Variants in SH3D19 observed in about 807,000 individuals in gnomAD.
SH3D19 encodes SH3 domain-containing protein 19.
SH3D19 carries 58 observed loss-of-function variants against 112.1 expected under a neutral mutation model. The ratio of observed to expected loss-of-function variants is 0.52; its 90% confidence interval spans 0.42 to 0.64. SH3D19 has a LOEUF of 0.64. Ranked by LOEUF, SH3D19 falls within the 30% of genes least tolerant of loss-of-function variation. The pLI, the probability that SH3D19 is intolerant of heterozygous loss-of-function variation, is 0.00. For missense variants in SH3D19, 1,090 were observed against 1,263.4 expected, an observed-to-expected ratio of 0.86 and a Z score of 2.08; for synonymous variants, 391 against 448.5, an observed-to-expected ratio of 0.87 and a Z score of 1.62.
At chr4:151,169,747 A>G (rs1437645578) in intron 7 of SH3D19, among the ~76,000 whole-genome samples, 4 of 152,232 alleles carry the variant, frequency 2.6e-5, no homozygotes, top group Non-Finnish European at 4.4e-5. Context: ...ACCTTTGACT[A>G]GTAGTCCCAC....
chr4:151,264,438 A>AC (rs1554064266), intron 1 of SH3D19, among the ~76,000 whole-genome samples: 9 of 150,932 alleles, frequency 6.0e-5, no homozygotes, highest in Non-Finnish European at 2.9e-5. Context: ...AAAAAAAAAA[A>AC]AAAAAACCAA....
At chr4:151,298,692 C>T (rs901537680) in intron 1 of SH3D19, among the ~76,000 whole-genome samples, 4 of 152,154 alleles carry the variant, frequency 2.6e-5, no homozygotes, top group Non-Finnish European at 5.9e-5. Context: ...ACCTTTAACA[C>T]TGCATCCAAG....
At chr4:151,212,798 C>T (rs1766184540) in intron 2 of SH3D19, among the ~76,000 whole-genome samples, 1 of 152,132 alleles carries the variant, frequency 6.6e-6, no homozygotes, top group Admixed American at 6.5e-5. Flanking sequence ...CCATAGTTGC[C>T]ATAGATAGTA....
At chr4:151,182,423 T>TA (rs1442738880) in intron 3 of SH3D19, among the ~76,000 whole-genome samples, 2 of 152,372 alleles carry the variant, frequency 1.3e-5, no homozygotes, top group South Asian at 4.1e-4. Context: ...CTACATTGTT[T>TA]AAAATCAGCA....
chr4:151,293,412 G>A (rs1481307241), intron 1 of SH3D19, among the ~76,000 whole-genome samples: 1 of 151,466 alleles, frequency 6.6e-6, no homozygotes, highest in Non-Finnish European at 1.5e-5. Flanking sequence ...GACGGAGCTT[G>A]CTGTGAGCCG....
intron 1 of SH3D19, among the ~76,000 whole-genome samples, chr4:151,307,081 G>C (rs1461283686): frequency 3.3e-5 from 5 of 150,162 alleles, no homozygotes; most frequent in African/African-American, 1.2e-4. Context: ...TGCAGTGGCG[G>C]GATCTCGGCT....
At chr4:151,264,516 G>A (rs1002850657) in intron 1 of SH3D19, among the ~76,000 whole-genome samples, 2 of 151,368 alleles carry the variant, frequency 1.3e-5, no homozygotes, top group African/African-American at 4.9e-5. Context: ...AAGTCAACAA[G>A]GTGTGAATAT....
intron 2 of SH3D19, among the ~76,000 whole-genome samples, chr4:151,215,325 G>A (rs1384210548): frequency 6.6e-6 from 1 of 152,216 alleles, no homozygotes; most frequent in African/African-American, 2.4e-5. Flanking sequence ...GCAATAGATA[G>A]TGATACACTT....
At chr4:151,297,274 C>T (rs190200795) in intron 1 of SH3D19, among the ~76,000 whole-genome samples, 186 of 152,352 alleles carry the variant, frequency 1.2e-3, no homozygotes, top group East Asian at 7.7e-3. Flanking sequence ...AAATTCTCTC[C>T]ACTGTCTACT....
chr4:151,292,226 G>A (rs1209002363), intron 1 of SH3D19, among the ~76,000 whole-genome samples: 1 of 151,986 alleles, frequency 6.6e-6, no homozygotes, highest in African/African-American at 2.4e-5. Context: ...TTGAGACCAG[G>A]AGTTCGAGGC....
At chr4:151,216,777 A>G (rs531005827) in intron 2 of SH3D19, among the ~76,000 whole-genome samples, 145 of 152,262 alleles carry the variant, frequency 9.5e-4, no homozygotes, top group Middle Eastern at 3.4e-3. Flanking sequence ...AAACTTTTCA[A>G]TTACCCAACT....
chr4:151,161,257 C>A (rs905647811), intron 8 of SH3D19, among the ~76,000 whole-genome samples: 1 of 152,254 alleles, frequency 6.6e-6, no homozygotes, highest in East Asian at 1.9e-4. Context: ...AAGAAACAGG[C>A]CCCGGGGAAA....
chr4:151,228,119 T>C, intron 1 of SH3D19: 1 of 814,098 alleles, frequency 1.2e-6, no homozygotes, highest in Non-Finnish European at 1.5e-6. Flanking sequence ...TGTCTTCTCA[T>C]AGCACTTTTC....
At chr4:151,322,430 CTA>C (rs1730633033) in intron 1 of SH3D19, among the ~76,000 whole-genome samples, 1 of 86,666 alleles carries the variant, frequency 1.2e-5, no homozygotes, top group Non-Finnish European at 2.1e-5. Flanking sequence ...AAGACTCTGC[CTA>C]AAAAAAAAAA....
At chr4:151,149,157 T>A (rs1263810239) in intron 10 of SH3D19, among the ~76,000 whole-genome samples, 2 of 152,152 alleles carry the variant, frequency 1.3e-5, no homozygotes, top group Non-Finnish European at 2.9e-5. Flanking sequence ...ACAAAGCCAG[T>A]CTCCTTCGGA....
In SH3D19 at chr4:151,226,324, T is replaced by C. The variant is rs141658461; in HGVS notation, c.113-238A>G. The C allele has an allele frequency of 3.8e-4, 441 of 1,173,222 alleles. 3 individuals are homozygous for C. The African/African-American group carries it at 6.4e-3, about 17-fold the overall frequency. The allele number at this position is 1,173,222 out of a possible 1,614,324, so 72.7% of individuals were successfully genotyped here. A position where few individuals can be genotyped will look rare whatever the true frequency, so the allele number is the denominator to read the frequency against. ...AATCATCTACTTGGAAAATGCATCA[T>C]TACATGCATTATTTCATTTTATAAG... On this transcript the variant is annotated intron_variant, in intron 1 of 19. Transcript: ENST00000604030.
intron 1 of SH3D19, among the ~76,000 whole-genome samples, chr4:151,320,209 A>G (rs55684420): frequency 0.28 from 43,093 of 152,146 alleles, 6,904 homozygotes; most frequent in East Asian, 0.37. Context: ...AACACATCAA[A>G]ATATAGAAAG....
chr4:151,318,280 G>A (rs1356473879), intron 1 of SH3D19, among the ~76,000 whole-genome samples: 11 of 125,450 alleles, frequency 8.8e-5, no homozygotes, highest in Non-Finnish European at 1.1e-4. Flanking sequence ...CAGCCTAGGC[G>A]ACAGAGTGAG....
chr4:151,305,480 C>G (rs967861816), intron 1 of SH3D19, among the ~76,000 whole-genome samples: 1 of 152,092 alleles, frequency 6.6e-6, no homozygotes, highest in African/African-American at 2.4e-5. Flanking sequence ...TTTAAACAAC[C>G]CAATTTTTAA....
Sources: gnomAD v4.1 joint callset for allele counts (sites outside exome capture counted in the v4.1 genomes callset) on GRCh38, gnomAD v4.1.1 for gene constraint, MANE v1.5 for transcripts, NCBI Gene and HGNC (gene_info 2026-07-23, HGNC 2026-07-21) for gene names.